GBP2: variants seen among roughly 807,000 people sequenced by gnomAD.
GBP2 encodes the protein guanylate-binding protein 2.
In GBP2, 54 loss-of-function variants were observed where a neutral mutation model predicts 60.8. The ratio of observed to expected loss-of-function variants is 0.89; its 90% CI spans 0.71 to 1.11. GBP2 has a LOEUF of 1.11. Ranked by LOEUF, GBP2 falls within the 50% of genes most tolerant of loss-of-function variation. The probability of loss-of-function intolerance (pLI) is 0.00; values close to 1 mark genes in which losing one functional copy is unlikely to be tolerated. For missense variants in GBP2, 665 were observed against 703.3 expected (o/e 0.95, Z 0.62); for synonymous variants, 243 against 256.5 (o/e 0.95, Z 0.50).
At chr1:89,108,413 C>T in intron 10 of GBP2, 122 bp from the exon 11 acceptor site, 1 of 530,460 alleles carries the variant, frequency 1.9e-6, no homozygotes, top group Admixed American at 3.7e-5. Flanking sequence ...TCTGAGTCTC[C>T]TATACCTGCC....
rs569576680 is a variant in GBP2, at chr1:89,123,104, C to T, written c.-17-1121G>A. 7.9e-5 allele frequency among the ~76,000 whole-genome samples: 12 copies of T among 152,272 alleles called. No individual in the cohort carries two copies. In the South Asian group the frequency reaches 2.3e-3, roughly 29 times the overall value. ...CAAGCTGTAGCCCAGGTACTATGGA[C>T]GTGCTTCCATCATATTTTCAGTGCG... is the stretch of plus-strand genomic sequence containing the variant. On this transcript the variant is annotated intron_variant, in intron 1 of 10. Transcript: ENST00000370466.
In GBP2 at chr1:89,121,816, T is replaced by G. The variant is rs778351087; in HGVS notation, c.151A>C (p.Lys51Gln). Residue 51 changes from lysine (K) to glutamine (Q), a missense_variant, in exon 2 of 11, where the codon AAA (lysine) becomes CAA (glutamine). Transcript: ENST00000370466. ...VAIVGLYRTG[K>Q]SYLMNKLAGK... is the part of the protein sequence containing the mutation. The stretch of plus-strand genomic sequence containing the variant: ...GCCAGCTTGTTCATCAGGTAGGATT[T>G]GCCTGTGCGATAGAGGCCCACAATC... 6.2e-7 allele frequency: 1 copy of G among 1,614,098 alleles called. No homozygotes were observed. Among genetic ancestry groups the G allele is most frequent in the South Asian group, 1.1e-5 (1 of 91,072 alleles).
intron 7 of GBP2, 141 bp from the exon 8 acceptor site, chr1:89,112,825 T>C: frequency 1.6e-6 from 1 of 636,554 alleles, no homozygotes. Context: ...TGTTAGATCC[T>C]AGAATATCCC....
intron 4 of GBP2, chr1:89,119,262 A>C (rs1370017474): frequency 6.6e-6 from 1 of 152,188 alleles, no homozygotes; most frequent in Non-Finnish European, 1.5e-5. Flanking sequence ...AAATTTATGT[A>C]ATGCTCCTAG....
chr1:89,120,428 T>G, intron 3 of GBP2, 140 bp from the exon 4 acceptor site: 1 of 665,704 alleles, frequency 1.5e-6, no homozygotes, highest in South Asian at 1.7e-5. Flanking sequence ...TTATGCAGTA[T>G]TTTTTTCTAC....
In GBP2 at chr1:89,114,263, G is replaced by A. The variant is rs1266153317; in HGVS notation, c.902C>T (p.Ala301Val). 6.2e-7 allele frequency: 1 copy of A among 1,614,232 alleles called. No homozygotes were observed. The highest frequency in any genetic ancestry group is 1.1e-5 in the South Asian group (1 of 91,092). Residue 301 changes from alanine (A) to valine (V), a missense_variant, in exon 7 of 11, where the codon GCC becomes GTC. By Grantham distance (64) the Ala-to-Val change is moderately conservative (BLOSUM62 0). Coordinates refer to ENST00000370466, the MANE Select transcript of GBP2 (RefSeq NM_004120.5). ...LESLVLTYVN[A>V]ISSGDLPCME... ...GCAGGGTAGATCCCCACTGCTGATG[G>A]CATTGACGTAGGTCAGCACCAGGCT...
chr1:89,121,730 C>T (rs772401280), intron 2 of GBP2, 47 bp downstream of exon 2: 15 of 1,576,116 alleles, frequency 9.5e-6, no homozygotes, highest in Middle Eastern at 1.7e-4. Flanking sequence ...GGATGTTCGC[C>T]GTGTGTACGG....
rs890856302 is a variant in GBP2, at chr1:89,113,930, T to C, written c.1149+86A>G. The C allele has an allele frequency of 4.2e-6, 6 of 1,431,412 alleles. No homozygotes were observed. The African/African-American group carries it at 8.5e-5, about 20-fold the overall frequency. The allele number at this position is 1,431,412 out of a possible 1,614,324, so 88.7% of individuals were successfully genotyped here. A position where few individuals can be genotyped will look rare whatever the true frequency, so the allele number is the denominator to read the frequency against. On this transcript the variant is annotated intron_variant, in intron 7 of 10. Coordinates refer to ENST00000370466, the MANE Select transcript of GBP2 (RefSeq NM_004120.5). Reference sequence around the variant, plus strand: ...TCAAATATGTACACATAACTGAGTGTAACTATTTTGGGGTCTAGAAAGAAT... The same window carrying C: ...TCAAATATGTACACATAACTGAGTGCAACTATTTTGGGGTCTAGAAAGAAT...
intron 5 of GBP2, 26 bp from the exon 6 acceptor site, chr1:89,117,260 T>C: frequency 6.4e-7 from 1 of 1,574,682 alleles, no homozygotes; most frequent in Non-Finnish European, 8.7e-7. Context: ...TTAGAAGTAG[T>C]AAAACTTCAA....
intron 4 of GBP2, 34 bp from the exon 5 acceptor site, chr1:89,117,807 G>A (rs1681311119): frequency 1.3e-6 from 2 of 1,538,798 alleles, no homozygotes; most frequent in African/African-American, 1.4e-5. Context: ...TACAGAAAAT[G>A]CCACTCTTTA....
chr1:89,117,432 T>A, intron 5 of GBP2, 145 bp downstream of exon 5: 1 of 896,498 alleles, frequency 1.1e-6, no homozygotes, highest in East Asian at 2.6e-5. Flanking sequence ...CCAACTGATA[T>A]AGTCAAGCAA....
At chr1:89,123,042 C>G (rs1382133568) in intron 1 of GBP2, among the ~76,000 whole-genome samples, 3 of 152,038 alleles carry the variant, frequency 2.0e-5, no homozygotes, top group Non-Finnish European at 1.5e-5. Flanking sequence ...TATCTCATTG[C>G]TCAACTCGTC....
At chr1:89,114,332 A>G in intron 6 of GBP2, 36 bp from the exon 7 acceptor site, 1 of 1,604,448 alleles carries the variant, frequency 6.2e-7, no homozygotes, top group Non-Finnish European at 8.5e-7. Flanking sequence ...TGTGACTATC[A>G]GTTGGTGGGA....
At position 89,108,188 on chromosome 1, in the gene GBP2, CA is replaced by C. The variant is rs771532633; in HGVS notation, c.1762del (p.Cys588ValfsTer50). 1.2e-6 allele frequency: 2 copies of C among 1,606,354 alleles called. No homozygotes were observed. Among genetic ancestry groups the C allele is most frequent in the Admixed American group, 3.3e-5 (2 of 59,930 alleles). On this transcript the variant is annotated frameshift_variant, in exon 11 of 11. Coordinates refer to ENST00000370466, the MANE Select transcript of GBP2 (RefSeq NM_004120.5). LOFTEE classifies it high-confidence loss of function. Reference protein sequence around the residue: ...QMRSKSLEPICNIL With the variant: ...QMRSKSLEPIXNIL ...CTCCTTGGACTTTTAGAGTATGTTA[CA>C]TATTGGCTCCAATGATTTGCTTCTC...
intron 6 of GBP2, among the ~76,000 whole-genome samples, chr1:89,116,453 A>G (rs754474247): frequency 3.2e-5 from 4 of 125,370 alleles, no homozygotes; most frequent in Non-Finnish European, 6.5e-5. Flanking sequence ...GTTAACCACT[A>G]TTTATCATTA....
At position 89,115,631 on chromosome 1, in the gene GBP2, G is replaced by T. The variant is rs192572068; in HGVS notation, c.869-1335C>A. Among the ~76,000 whole-genome samples, 359 of 152,140 alleles carry T rather than the reference G, an allele frequency of 2.4e-3. 1 individual carries two copies. Among genetic ancestry groups the T allele is most frequent in the African/African-American group, 7.9e-3 (329 of 41,498 alleles). ...GTTTAAAAAATTGAGATGGAATTCT[G>T]GTCTGTCACCCAAGCTGAAGTGCAG... is the stretch of plus-strand genomic sequence containing the variant. On this transcript the variant is annotated intron_variant, in intron 6 of 10. Transcript: ENST00000370466.
chr1:89,114,991 C>T (rs1219955696), intron 6 of GBP2, among the ~76,000 whole-genome samples: 1 of 152,106 alleles, frequency 6.6e-6, no homozygotes, highest in Admixed American at 6.5e-5. Context: ...ATAAGTTTTG[C>T]ACCTTATTTT....
chr1:89,116,076 A>T (rs1681265827), intron 6 of GBP2, among the ~76,000 whole-genome samples: 1 of 152,018 alleles, frequency 6.6e-6, no homozygotes, highest in African/African-American at 2.4e-5. Flanking sequence ...GCGGTGGTGC[A>T]GTCTCCGCTC....
chr1:89,124,985 A>AT (rs1681491189), intron 1 of GBP2, among the ~76,000 whole-genome samples: 1 of 152,216 alleles, frequency 6.6e-6, no homozygotes, highest in Non-Finnish European at 1.5e-5. Flanking sequence ...CATGGAGAGC[A>AT]GTATATACAC....
Sources: gnomAD v4.1 joint callset for allele counts (sites outside exome capture counted in the v4.1 genomes callset) on GRCh38, gnomAD v4.1.1 for gene constraint, MANE v1.5 for transcripts, NCBI Gene and HGNC (gene_info 2026-07-23, HGNC 2026-07-21) for gene names.